Variants in MBP observed in about 807,000 individuals in gnomAD.
MBP encodes myelin basic protein.
MBP carries 16 observed loss-of-function variants against 35.8 expected under a neutral mutation model. The ratio of observed to expected loss-of-function variants is 0.45; its 90% CI spans 0.30 to 0.68. MBP has a LOEUF of 0.68. MBP is among the 30% of genes least tolerant of loss of function. MBP has a pLI of 0.08. For missense variants in MBP, 380 were observed against 404.7 expected, an observed-to-expected ratio of 0.94 and a Z score of 0.52; for synonymous variants, 143 against 159.6, an observed-to-expected ratio of 0.90 and a Z score of 0.78.
In MBP at chr18:77,066,288, C is replaced by T. The variant is rs774036840; in HGVS notation, c.139+10G>A. 3.9e-5 allele frequency: 62 copies of T among 1,609,518 alleles called. No homozygotes were observed. The East Asian group carries it at 8.0e-4, about 21-fold the overall frequency. Reference sequence around the variant, plus strand: ...TGTGGCGCCATGTTGCCGATATCTGCGTCACCTACCGAACACTTCGTTGTC... The same window carrying T: ...TGTGGCGCCATGTTGCCGATATCTGTGTCACCTACCGAACACTTCGTTGTC... On this transcript the variant is annotated intron_variant, in intron 3 of 8. Transcript: ENST00000355994.
At position 76,988,537 on chromosome 18, in the gene MBP, G is replaced by A. The variant is rs1210304503; in HGVS notation, c.718-10C>T. On this transcript the variant is annotated splice_polypyrimidine_tract_variant and intron_variant, in intron 6 of 8. Transcript: ENST00000355994. The surrounding 1 kb of genome is among the most constrained non-coding windows in gnomAD (Gnocchi z 5.2). The stretch of plus-strand genomic sequence containing the variant: ...GGGACAGTCCTCTCCCCTGCATGAG[G>A]AAGACAGAGAAATAATGACATGGTG... 1.2e-6 allele frequency: 2 copies of A among 1,609,362 alleles called. No homozygotes were observed.
At chr18:76,994,992 TTATAC>T (rs540618842) in intron 4 of MBP, among the ~76,000 whole-genome samples, 27 of 152,374 alleles carry the variant, frequency 1.8e-4, no homozygotes, top group Non-Finnish European at 2.4e-4. Flanking sequence ...ATCTGTATTG[TTATAC>T]CATAGTTGTA....
intron 1 of MBP, chr18:77,110,551 G>A (rs1361709340): frequency 6.6e-6 from 1 of 151,266 alleles, no homozygotes; most frequent in African/African-American, 2.4e-5. Flanking sequence ...TCCATGTAGT[G>A]AGAGAACTGC....
In MBP at chr18:77,090,991, T is replaced by C. The variant is rs534120123; in HGVS notation, c.51+14220A>G. ...GTGCAGCTGGAGCCCAGGCCTGCTG[T>C]GAGAGGGCAGAGAGTGAGCCTGGGC... On this transcript the variant is annotated intron_variant, in intron 2 of 8. Coordinates refer to ENST00000355994, the MANE Select transcript of MBP (RefSeq NM_001025101.2). Among the ~76,000 whole-genome samples the C allele has an allele frequency of 9.8e-5, 15 of 152,328 alleles. No individual in the cohort carries two copies. The South Asian group carries it at 2.9e-3, about 29-fold the overall frequency.
chr18:77,129,075 T>C (rs1977154225), intron 1 of MBP, among the ~76,000 whole-genome samples: 1 of 152,196 alleles, frequency 6.6e-6, no homozygotes, highest in African/African-American at 2.4e-5. Context: ...TCCATCTGGG[T>C]TTTCTCATTA....
intron 4 of MBP, chr18:77,014,514 A>G (rs1971520521): frequency 2.0e-6 from 2 of 985,336 alleles, no homozygotes; most frequent in African/African-American, 1.7e-5. Context: ...GCCTATCCCA[A>G]GGACCTTCCT....
rs902604913 is a variant in MBP at position 77,014,430 on chromosome 18, G to A, written c.576+2402C>T. ...GTTCTAGATAGGGAGAAGCAGAACTGTGTGTGGGGCAGGCCGCCGTGGTCC... is the reference window on the plus strand; with the variant it reads ...GTTCTAGATAGGGAGAAGCAGAACTATGTGTGGGGCAGGCCGCCGTGGTCC... On this transcript the variant is annotated intron_variant, in intron 4 of 8. Transcript: ENST00000355994. 34 of 985,392 alleles carry A rather than the reference G, an allele frequency of 3.5e-5. No individual in the cohort carries two copies. In the African/African-American group the frequency reaches 5.1e-4, roughly 15 times the overall value. The allele number at this position is 985,392 out of a possible 1,614,324, so 61.0% of individuals were successfully genotyped here. A position where few individuals can be genotyped will look rare whatever the true frequency, so the allele number is the denominator to read the frequency against.
rs754441853 is a variant in MBP, at chr18:76,979,978, A to G, written c.*449T>C. ...AAGGACAGGAAAAAAAAACAAAGGA[A>G]GCTTGGATGTCAACAGTCCTCTCTG... On this transcript the variant is annotated 3_prime_UTR_variant, in exon 9 of 9. Coordinates refer to ENST00000355994, the MANE Select transcript of MBP (RefSeq NM_001025101.2). The G allele has an allele frequency of 1.0e-5, 7 of 702,508 alleles. No individual in the cohort carries two copies. The South Asian group carries it at 1.0e-4, about 10-fold the overall frequency. 43.5% of individuals were successfully genotyped at this position (702,508 alleles called of 1,614,324 possible).
At chr18:77,070,341 T>C (rs552681914) in intron 2 of MBP, among the ~76,000 whole-genome samples, 1 of 152,304 alleles carries the variant, frequency 6.6e-6, no homozygotes, top group African/African-American at 2.4e-5. Flanking sequence ...AGCAATTTTC[T>C]TTTTCATCAG....
chr18:77,016,886 G>A lies in MBP; in HGVS notation c.522C>T (p.Ser174=), dbSNP rs145141592. The A allele has an allele frequency of 1.2e-6, 2 of 1,614,246 alleles. No individual in the cohort carries two copies. The highest frequency in any genetic ancestry group is 2.7e-5 in the African/African-American group (2 of 75,066). The change falls in exon 4 of 9, where the codon TCC becomes TCT. Residue 174 remains serine (S), a synonymous_variant. Coordinates refer to ENST00000355994, the MANE Select transcript of MBP (RefSeq NM_001025101.2). ...PRHRDTGILD[S]IGRFFGGDRG... ...TGTCACCGCCAAAGAAGCGCCCGATGGAGTCAAGGATGCCCGTGTCTCTGT... is the reference window on the plus strand; with the variant it reads ...TGTCACCGCCAAAGAAGCGCCCGATAGAGTCAAGGATGCCCGTGTCTCTGT...
At chr18:77,065,296 C>T (rs1026205123) in intron 3 of MBP, among the ~76,000 whole-genome samples, 2 of 152,142 alleles carry the variant, frequency 1.3e-5, no homozygotes, top group African/African-American at 2.4e-5. Flanking sequence ...GGTGGCATCG[C>T]ATGGTGACAC....
chr18:77,054,621 C>T (rs1479924719), intron 3 of MBP, among the ~76,000 whole-genome samples: 1 of 152,216 alleles, frequency 6.6e-6, no homozygotes, highest in African/African-American at 2.4e-5. Flanking sequence ...AGTATCAGAG[C>T]TTCCCTGGGT....
At chr18:77,054,459 G>A (rs1416764135) in intron 3 of MBP, among the ~76,000 whole-genome samples, 3 of 152,224 alleles carry the variant, frequency 2.0e-5, no homozygotes, top group Non-Finnish European at 2.9e-5. Context: ...TGGGGAACAG[G>A]TGGAGGGGAT....
chr18:76,984,083 C>G (rs974736214), intron 8 of MBP: 1 of 152,142 alleles, frequency 6.6e-6, no homozygotes, highest in African/African-American at 2.4e-5. Context: ...TAATGAGAGC[C>G]GCTGTCTAAG....
intron 2 of MBP, chr18:77,097,239 C>T (rs1234230581): frequency 1.3e-5 from 2 of 152,382 alleles, no homozygotes; most frequent in East Asian, 3.9e-4. Context: ...TATTGGGACC[C>T]CAGCTCTCTA....
At chr18:77,085,290 T>C (rs146870007) in intron 2 of MBP, among the ~76,000 whole-genome samples, 130 of 152,316 alleles carry the variant, frequency 8.5e-4, no homozygotes, top group Admixed American at 5.0e-3. Flanking sequence ...GCAGATGTGG[T>C]AGAAGGGCAA....
chr18:77,023,496 C>G (rs1178941786), intron 3 of MBP, among the ~76,000 whole-genome samples: 1 of 152,128 alleles, frequency 6.6e-6, no homozygotes, highest in East Asian at 1.9e-4. Flanking sequence ...GTGGCTAATT[C>G]CCTCATCTCC....
chr18:77,016,761 T>C, intron 4 of MBP, 71 bp downstream of exon 4: 1 of 1,567,450 alleles, frequency 6.4e-7, no homozygotes, highest in African/African-American at 1.3e-5. Flanking sequence ...CTCTAATGGC[T>C]GAGTTCACCT....
intron 1 of MBP, among the ~76,000 whole-genome samples, chr18:77,119,214 C>T (rs927143882): frequency 1.3e-5 from 2 of 152,068 alleles, no homozygotes; most frequent in South Asian, 2.1e-4. Context: ...GGGAGAGGGC[C>T]GGAGGTGTCC....
Sources: gnomAD v4.1 joint callset for allele counts (sites outside exome capture counted in the v4.1 genomes callset) on GRCh38, gnomAD v4.1.1 for gene constraint, Gnocchi (gnomAD v3.1) non-coding constraint, MANE v1.5 for transcripts, NCBI Gene and HGNC (gene_info 2026-07-23, HGNC 2026-07-21) for gene names.